The following NCOA2 variants were observed in gnomAD, a reference collection of about 807,000 sequenced individuals.
NCOA2 encodes the protein class E basic helix-loop-helix protein 75.
In NCOA2, 21 loss-of-function variants were observed where a neutral mutation model predicts 145.1. The ratio of observed to expected loss-of-function variants is 0.14; its 90% CI spans 0.10 to 0.21. The LOEUF is 0.21. NCOA2 is among the 10% of genes least tolerant of loss of function. The pLI is 1.00. For synonymous variants in NCOA2, 619 were observed against 637.5 expected (o/e 0.97, Z 0.44); for missense variants, 1,472 against 1,837.6 (o/e 0.80, Z 3.64).
intron 2 of NCOA2, among the ~76,000 whole-genome samples, chr8:70,260,417 T>G (rs1188873956): frequency 6.6e-6 from 1 of 152,142 alleles, no homozygotes; most frequent in Non-Finnish European, 1.5e-5. Flanking sequence ...CACCATGGCA[T>G]GAGGCACCAC....
chr8:70,189,775 A>G (rs1816480601), intron 4 of NCOA2, among the ~76,000 whole-genome samples: 1 of 152,216 alleles, frequency 6.6e-6, no homozygotes, highest in Non-Finnish European at 1.5e-5. Flanking sequence ...GGGTTAGTGG[A>G]TTATCGTGAT....
Position 70,214,066 on chromosome 8 carries a change from C to T in NCOA2, c.96G>A (p.Arg32=), listed in dbSNP as rs758736853. 2.7e-5 allele frequency: 43 copies of T among 1,595,778 alleles called. 2 individuals are homozygous for T. The South Asian group carries it at 4.9e-4, about 18-fold the overall frequency. ...CPDQLGPSPK[R]NTEKRNREQE... is the part of the protein sequence containing the mutation. ...GTTCACGATTACGTTTTTCAGTGTT[C>T]CTTTTGGGGCTTAAAAGAAGAAACA... Residue 32 remains arginine, a synonymous_variant, in exon 4 of 23, where the codon AGG becomes AGA. Transcript: ENST00000452400.
At chr8:70,167,236 T>G (rs1308959436) in intron 6 of NCOA2, among the ~76,000 whole-genome samples, 4 of 152,208 alleles carry the variant, frequency 2.6e-5, no homozygotes, top group Non-Finnish European at 2.9e-5. Flanking sequence ...GTTAAATTCT[T>G]TCAGAGGATT....
intron 2 of NCOA2, among the ~76,000 whole-genome samples, chr8:70,234,797 C>T (rs964392804): frequency 1.3e-5 from 2 of 152,172 alleles, no homozygotes; most frequent in African/African-American, 4.8e-5. Flanking sequence ...AAAGCACACA[C>T]ATACAGAATA....
chr8:70,275,237 T>G (rs949923748), intron 2 of NCOA2, among the ~76,000 whole-genome samples: 1 of 152,172 alleles, frequency 6.6e-6, no homozygotes, highest in South Asian at 2.1e-4. Flanking sequence ...TATTCTTAAT[T>G]AACCACAGGA....
At chr8:70,219,594 G>A (rs1348078065) in intron 2 of NCOA2, among the ~76,000 whole-genome samples, 1 of 151,926 alleles carries the variant, frequency 6.6e-6, no homozygotes, top group Non-Finnish European at 1.5e-5. Flanking sequence ...CTGAATCACT[G>A]CAAATCACCC....
chr8:70,338,649 G>GTATCTTCA (rs1267636889), intron 1 of NCOA2, among the ~76,000 whole-genome samples: 3 of 152,072 alleles, frequency 2.0e-5, no homozygotes, highest in African/African-American at 7.2e-5. Context: ...GAAAACTTCA[G>GTATCTTCA]GCCAGTATCC....
At chr8:70,266,798 G>A (rs2135192733) in intron 2 of NCOA2, among the ~76,000 whole-genome samples, 1 of 152,126 alleles carries the variant, frequency 6.6e-6, no homozygotes, top group South Asian at 2.1e-4. Flanking sequence ...CAGTTCTAGG[G>A]GCACTCACAG....
chr8:70,358,887 T>A (rs1161720052), intron 1 of NCOA2, among the ~76,000 whole-genome samples: 1 of 151,996 alleles, frequency 6.6e-6, no homozygotes, highest in African/African-American at 2.4e-5. Flanking sequence ...CTCAGCAACA[T>A]AAAGAGAAAC....
rs571919635 is a variant in NCOA2 at position 70,156,375 on chromosome 8, T to C, written c.1990A>G (p.Thr664Ala). Residue 664 changes from threonine to alanine, a missense_variant, in exon 11 of 23, where the codon ACA becomes GCA. Physicochemically the swap from Thr to Ala is moderately conservative, Grantham distance 58. Around this residue, in one of 4 missense-constraint regions of NCOA2, gnomAD observed 953 missense variants for 1,062.1 expected, o/e 0.90. Coordinates refer to ENST00000452400, the MANE Select transcript of NCOA2 (RefSeq NM_006540.4). The part of the protein sequence containing the change: ...PSPLASSLSD[T>A]NKDSTGSLPG... ...AAGCTACCTGTGGAGTCTTTGTTTG[T>C]ATCCGACAAAGAGCTGGCTAAGGGC... The C allele has an allele frequency of 1.2e-6, 2 of 1,613,968 alleles. No homozygotes were observed. The highest frequency in any genetic ancestry group is 1.7e-5 in the Admixed American group (1 of 60,022).
chr8:70,111,260 GTAGA>G lies in NCOA2; in HGVS notation c.*2368_*2371del, dbSNP rs1425660853. The G allele has an allele frequency of 4.4e-6, 1 of 226,534 alleles. No homozygotes were observed. Among genetic ancestry groups the G allele is most frequent in the African/African-American group, 2.2e-5 (1 of 45,018 alleles). The allele number at this position is 226,534 out of a possible 1,614,324, so 14.0% of individuals were successfully genotyped here. On this transcript the variant is annotated 3_prime_UTR_variant, in exon 23 of 23. Transcript: ENST00000452400. Reference sequence around the variant, plus strand: ...CAGATGGATAAAAAAGAAGAGATAGGTAGATAGTTTTGGACGGTGTTGTAGTGAA... The same window carrying G: ...CAGATGGATAAAAAAGAAGAGATAGGTAGTTTTGGACGGTGTTGTAGTGAA...
intron 3 of NCOA2, among the ~76,000 whole-genome samples, chr8:70,214,824 C>T (rs1005985465): frequency 2.0e-5 from 3 of 151,954 alleles, no homozygotes; most frequent in Non-Finnish European, 4.4e-5. Flanking sequence ...TAACAGCATA[C>T]AATTATTTTC....
Position 70,141,344 on chromosome 8 carries a change from C to T in NCOA2, c.2868G>A (p.Pro956=), listed in dbSNP as rs549671401. Residue 956 remains proline, a synonymous_variant, in exon 14 of 23, where the codon CCG becomes CCA. Coordinates refer to ENST00000452400, the MANE Select transcript of NCOA2 (RefSeq NM_006540.4). The part of the protein sequence containing the change: ...RPTMPSGEWA[P]QSSAVRVTCA... ...AGGTGACTCTCACAGCCGAACTCTG[C>T]GGTGCCCATTCTCCAGATGGCATAG... 1.1e-4 allele frequency: 176 copies of T among 1,613,918 alleles called. 1 individual carries two copies. In the Middle Eastern group the frequency reaches 1.6e-3, roughly 15 times the overall value.
At chr8:70,334,170 T>A (rs1807360808) in intron 1 of NCOA2, among the ~76,000 whole-genome samples, 1 of 152,206 alleles carries the variant, frequency 6.6e-6, no homozygotes, top group Non-Finnish European at 1.5e-5. Flanking sequence ...CAAATTTATA[T>A]CCTCCTTATT....
intron 1 of NCOA2, among the ~76,000 whole-genome samples, chr8:70,334,104 T>A (rs1456372929): frequency 6.6e-6 from 1 of 152,224 alleles, no homozygotes; most frequent in East Asian, 1.9e-4. Flanking sequence ...ACTCTTTCAA[T>A]AGCTCTATAT....
At chr8:70,451,076 G>A in the NCOA2 span, among the ~76,000 whole-genome samples, 2 of 149,584 alleles carry the variant, frequency 1.3e-5, no homozygotes, top group South Asian at 4.2e-4. Context: ...ATATTAGCCT[G>A]GCCTGGTGGC....
chr8:70,201,795 C>T (rs1817920333), intron 4 of NCOA2, among the ~76,000 whole-genome samples: 1 of 152,142 alleles, frequency 6.6e-6, no homozygotes, highest in South Asian at 2.1e-4. Context: ...GCAAGAAATA[C>T]TCTTTAGGGG....
At chr8:70,283,964 A>G (rs2135520531) in intron 2 of NCOA2, among the ~76,000 whole-genome samples, 1 of 152,328 alleles carries the variant, frequency 6.6e-6, no homozygotes, top group South Asian at 2.1e-4. Flanking sequence ...CAGGTTTACA[A>G]TAACATATTT....
At chr8:70,194,791 G>A (rs1437813811) in intron 4 of NCOA2, among the ~76,000 whole-genome samples, 2 of 150,712 alleles carry the variant, frequency 1.3e-5, no homozygotes, top group Non-Finnish European at 2.9e-5. Flanking sequence ...CTAAAACTCG[G>A]TGTCTCTGTG....
Sources: allele counts gnomAD v4.1 joint callset (sites outside exome capture counted in the v4.1 genomes callset), GRCh38; gene constraint gnomAD v4.1.1; regional missense constraint gnomAD v4.1.1; transcripts MANE v1.5; gene names NCBI Gene and HGNC (gene_info 2026-07-23, HGNC 2026-07-21).